The following ZNF565 variants were observed in gnomAD, a reference collection of about 807,000 sequenced individuals.
The protein encoded by ZNF565 is zinc finger protein 565.
In ZNF565, 27 loss-of-function variants were observed where a neutral mutation model predicts 39.4. The observed-to-expected ratio is 0.69, with a 90% CI of 0.51 to 0.95. ZNF565 has a LOEUF of 0.95. Ranked by LOEUF, ZNF565 falls within the 40% of genes least tolerant of loss-of-function variation. The probability of loss-of-function intolerance (pLI) is 0.00; values close to 1 mark genes in which losing one functional copy is unlikely to be tolerated. For synonymous variants in ZNF565, 185 were observed against 216.6 expected (o/e 0.85, Z 1.28); for missense variants, 524 against 621.1 (o/e 0.84, Z 1.66).
rs1568406741 is a variant in ZNF565 at position 36,182,288 on chromosome 19, G to A, written c.*178C>T. 2.1e-6 allele frequency: 1 copy of A among 487,380 alleles called. No individual in the cohort carries two copies. Among genetic ancestry groups the A allele is most frequent in the East Asian group, 3.1e-5 (1 of 32,232 alleles). 30.2% of individuals were successfully genotyped at this position (487,380 alleles called of 1,614,324 possible). A position where few individuals can be genotyped will look rare whatever the true frequency, so the allele number is the denominator to read the frequency against. ...CTGATGCTTAGGAAACAGTGAGTGAGGCAAAAAGAATTCCCACATTTATTT... is the reference window on the plus strand; with the variant it reads ...CTGATGCTTAGGAAACAGTGAGTGAAGCAAAAAGAATTCCCACATTTATTT... On this transcript the variant is annotated 3_prime_UTR_variant, in exon 5 of 5. Transcript: ENST00000304116.
At chr19:36,187,132 G>A (rs1011840376) in intron 4 of ZNF565, among the ~76,000 whole-genome samples, 1 of 151,870 alleles carries the variant, frequency 6.6e-6, no homozygotes, top group Non-Finnish European at 1.5e-5. Context: ...GGAGGTTGCG[G>A]TGAGCCAATA....
At chr19:36,202,507 C>T (rs28687508) in intron 1 of ZNF565, among the ~76,000 whole-genome samples, 2,081 of 152,224 alleles carry the variant, frequency 0.014, 41 homozygotes, top group African/African-American at 0.046. Context: ...CCAGCACTGA[C>T]ACAGAACCCA....
At chr19:36,206,635 A>G (rs575259623) in intron 1 of ZNF565, among the ~76,000 whole-genome samples, 73 of 152,282 alleles carry the variant, frequency 4.8e-4, no homozygotes, top group African/African-American at 1.7e-3. Flanking sequence ...GTTCTAGACC[A>G]GCCTGGCCAA....
chr19:36,229,398 T>A (rs1021405298), intron 1 of ZNF565, among the ~76,000 whole-genome samples: 1 of 152,196 alleles, frequency 6.6e-6, no homozygotes, highest in African/African-American at 2.4e-5. Context: ...GGGGTCTATA[T>A]GTATGGCACA....
At chr19:36,199,485 TA>T (rs1185380347) in intron 2 of ZNF565, among the ~76,000 whole-genome samples, 2 of 151,550 alleles carry the variant, frequency 1.3e-5, no homozygotes, top group Non-Finnish European at 2.9e-5. Flanking sequence ...AACACCCTTT[TA>T]AATGAATTTC....
intron 1 of ZNF565, among the ~76,000 whole-genome samples, chr19:36,244,547 T>G (rs1186837217): frequency 2.0e-5 from 3 of 149,290 alleles, no homozygotes; most frequent in Non-Finnish European, 3.0e-5. Flanking sequence ...AAGAAAAAGT[T>G]TATTAATTTT....
chr19:36,221,858 A>G (rs1022595785), intron 1 of ZNF565, among the ~76,000 whole-genome samples: 1 of 150,686 alleles, frequency 6.6e-6, no homozygotes, highest in Non-Finnish European at 1.5e-5. Flanking sequence ...AGCATACCAC[A>G]TGCACCTCCC....
intron 1 of ZNF565, among the ~76,000 whole-genome samples, chr19:36,225,331 TG>T (rs895337271): frequency 1.3e-5 from 2 of 152,212 alleles, no homozygotes; most frequent in African/African-American, 4.8e-5. Context: ...AAAAATAAGA[TG>T]TCTATTCCTA....
chr19:36,205,260 G>A (rs1976109435), intron 1 of ZNF565, among the ~76,000 whole-genome samples: 1 of 152,066 alleles, frequency 6.6e-6, no homozygotes. Context: ...CGGGCACGGT[G>A]CCCACGCCTG....
intron 4 of ZNF565, among the ~76,000 whole-genome samples, chr19:36,189,558 G>A (rs1975449160): frequency 6.6e-6 from 1 of 151,644 alleles, no homozygotes; most frequent in Admixed American, 6.6e-5. Context: ...CTGATCTCAG[G>A]TGATCTGCCC....
At chr19:36,213,638 G>A (rs1018041200) in intron 1 of ZNF565, among the ~76,000 whole-genome samples, 19 of 151,786 alleles carry the variant, frequency 1.3e-4, no homozygotes, top group Admixed American at 1.2e-3. Context: ...CACCCGCCTC[G>A]GCCTCCCAAA....
chr19:36,193,216 C>T (rs1422292681), intron 4 of ZNF565, among the ~76,000 whole-genome samples: 1 of 151,880 alleles, frequency 6.6e-6, no homozygotes, highest in Non-Finnish European at 1.5e-5. Flanking sequence ...ATCTCCTGAC[C>T]TCGTGATCCG....
chr19:36,236,525 T>A (rs1977650404), intron 1 of ZNF565: 1 of 1,614,030 alleles, frequency 6.2e-7, no homozygotes, highest in African/African-American at 1.3e-5. Context: ...CAGCCACAAA[T>A]CAAACCTCAC....
chr19:36,212,204 C>G (rs77518685), intron 1 of ZNF565, among the ~76,000 whole-genome samples: 307 of 152,124 alleles, frequency 2.0e-3, no homozygotes, highest in African/African-American at 7.0e-3. Context: ...CAGACAATTC[C>G]AAAGAGAGGA....
At chr19:36,199,506 C>CTTTTTTTTTTTTT (rs1183093969) in intron 2 of ZNF565, among the ~76,000 whole-genome samples, 3 of 128,952 alleles carry the variant, frequency 2.3e-5, no homozygotes, top group Non-Finnish European at 4.9e-5. Context: ...CTTTCTTTCT[C>CTTTTTTTTTTTTT]TTTTTTTTTT....
chr19:36,242,953 T>G (rs11673662), intron 1 of ZNF565, among the ~76,000 whole-genome samples: 102,919 of 151,954 alleles, frequency 0.68, 34,878 homozygotes, highest in Middle Eastern at 0.74. Context: ...TTGCACCCAG[T>G]GCATTTTAAG....
In ZNF565 at chr19:36,182,998, G is replaced by T; in HGVS notation, c.968C>A (p.Thr323Asn). ...ACCAGTGTGGATTCGCTGGTGTACA[G>T]TCAGCTGTGAGTGCTGTCTAAAGGC... Reference protein sequence around the residue: ...GKAFRQHSQLTVHQRIHTGEK... With the variant: ...GKAFRQHSQLNVHQRIHTGEK... Residue 323 changes from threonine to asparagine, a missense_variant, in exon 5 of 5, where the codon ACT becomes AAT. Physicochemically the swap from Thr to Asn is moderately conservative, Grantham distance 65 (BLOSUM62 0). Transcript: ENST00000304116. 1 of 1,614,082 alleles carries T rather than the reference G, an allele frequency of 6.2e-7. No homozygotes were observed. The highest frequency in any genetic ancestry group is 8.5e-7 in the Non-Finnish European group (1 of 1,180,026).
chr19:36,186,964 G>T (rs912513881), intron 4 of ZNF565, among the ~76,000 whole-genome samples: 1 of 152,146 alleles, frequency 6.6e-6, no homozygotes, highest in Non-Finnish European at 1.5e-5. Context: ...GCTGAGATGG[G>T]TGGATCACCT....
intron 1 of ZNF565, chr19:36,237,537 G>A: frequency 2.4e-6 from 1 of 425,520 alleles, no homozygotes; most frequent in Non-Finnish European, 4.1e-6. Context: ...CAGAGATAAT[G>A]GTGAAAGTTT....
Sources: gnomAD v4.1 joint callset for allele counts (sites outside exome capture counted in the v4.1 genomes callset) on GRCh38, gnomAD v4.1.1 for gene constraint, MANE v1.5 for transcripts, NCBI Gene and HGNC (gene_info 2026-07-23, HGNC 2026-07-21) for gene names.